Variants in USP32 observed in about 807,000 individuals in gnomAD.
USP32 encodes ubiquitin specific peptidase 32.
In USP32, 59 loss-of-function variants were observed where a neutral mutation model predicts 204.8. The observed-to-expected ratio is 0.29, with a 90% CI of 0.23 to 0.36. The LOEUF (loss-of-function observed/expected upper bound fraction) is 0.36. Ranked by LOEUF, USP32 falls within the 10% of genes least tolerant of loss-of-function variation. USP32 has a pLI of 1.00. For synonymous variants in USP32, 517 were observed against 678.4 expected (o/e 0.76, Z 3.70); for missense variants, 1,160 against 1,946.4 (o/e 0.60, Z 7.60).
At chr17:60,366,418 A>G (rs1229185832) in intron 1 of USP32, among the ~76,000 whole-genome samples, 2 of 151,986 alleles carry the variant, frequency 1.3e-5, no homozygotes. Flanking sequence ...CGGCCTCCCA[A>G]AGTGCTGGGA....
chr17:60,296,726 T>A (rs1293702592), intron 3 of USP32, among the ~76,000 whole-genome samples: 2 of 152,206 alleles, frequency 1.3e-5, no homozygotes, highest in Non-Finnish European at 2.9e-5. Context: ...TACCTCAGTA[T>A]CTGTAGGGGA....
At chr17:60,347,880 T>C (rs1462571086) in intron 1 of USP32, among the ~76,000 whole-genome samples, 1 of 151,604 alleles carries the variant, frequency 6.6e-6, no homozygotes, top group Non-Finnish European at 1.5e-5. Flanking sequence ...CCCAGCACTT[T>C]GGGAGGCTGA....
At chr17:60,338,622 T>G (rs2088581566) in intron 2 of USP32, among the ~76,000 whole-genome samples, 1 of 152,012 alleles carries the variant, frequency 6.6e-6, no homozygotes, top group Non-Finnish European at 1.5e-5. Flanking sequence ...CCCAGCTACT[T>G]GAGAGGCTGA....
chr17:60,243,134 T>C (rs2085923360), intron 11 of USP32, among the ~76,000 whole-genome samples: 1 of 152,210 alleles, frequency 6.6e-6, no homozygotes, highest in Non-Finnish European at 1.5e-5. Flanking sequence ...GGAATTGTTG[T>C]CTTCTTTTTA....
chr17:60,344,838 AT>A (rs1020819058), intron 2 of USP32, among the ~76,000 whole-genome samples: 1 of 151,934 alleles, frequency 6.6e-6, no homozygotes. Context: ...CTTTTATTTT[AT>A]TTTTTTTAGA....
intron 1 of USP32, among the ~76,000 whole-genome samples, chr17:60,408,249 G>T (rs1476885667): frequency 2.6e-5 from 4 of 152,080 alleles, no homozygotes; most frequent in African/African-American, 9.7e-5. Flanking sequence ...TAAGAATGAT[G>T]AAACAGCTAT....
intron 1 of USP32, among the ~76,000 whole-genome samples, chr17:60,347,335 C>T (rs562993570): frequency 2.0e-5 from 3 of 149,540 alleles, no homozygotes; most frequent in Non-Finnish European, 4.4e-5. Flanking sequence ...CAGGTGCGCA[C>T]CACCACACCT....
At position 60,382,218 on chromosome 17, in the gene USP32, T is replaced by A. The variant is rs187039810; in HGVS notation, c.58+9664A>T. Among the ~76,000 whole-genome samples the A allele has an allele frequency of 4.5e-3, 685 of 152,342 alleles. 1 individual carries two copies. The highest frequency in any genetic ancestry group is 0.014 in the Middle Eastern group (4 of 294). ...AACTAAGCCCAGATGTCAAGTTCTC[T>A]CAGAGGCCTCCGCCAGCCAGCACAG... On this transcript the variant is annotated intron_variant, in intron 1 of 33. Coordinates refer to ENST00000300896, the MANE Select transcript of USP32 (RefSeq NM_032582.4).
At chr17:60,257,455 G>A (rs1292654586) in intron 9 of USP32, among the ~76,000 whole-genome samples, 1 of 152,136 alleles carries the variant, frequency 6.6e-6, no homozygotes, top group Non-Finnish European at 1.5e-5. Flanking sequence ...ACAGTGGAGA[G>A]AGGGTTAGCA....
intron 12 of USP32, among the ~76,000 whole-genome samples, chr17:60,229,360 A>C (rs1025444906): frequency 6.6e-6 from 1 of 152,160 alleles, no homozygotes; most frequent in Non-Finnish European, 1.5e-5. Flanking sequence ...TCATTTTTAA[A>C]GTTCTCTATG....
At chr17:60,410,331 C>T (rs957311080) in intron 1 of USP32, among the ~76,000 whole-genome samples, 1 of 152,078 alleles carries the variant, frequency 6.6e-6, no homozygotes, top group African/African-American at 2.4e-5. Flanking sequence ...AACCAATCAG[C>T]ATACCCCATT....
At chr17:60,370,790 A>G (rs1004420661) in intron 1 of USP32, among the ~76,000 whole-genome samples, 1 of 151,440 alleles carries the variant, frequency 6.6e-6, no homozygotes, top group Non-Finnish European at 1.5e-5. Context: ...AAAAGAAGAA[A>G]AGAGAAAAAA....
intron 3 of USP32, among the ~76,000 whole-genome samples, chr17:60,295,961 A>C (rs2087417872): frequency 6.6e-6 from 1 of 152,154 alleles, no homozygotes; most frequent in Admixed American, 6.5e-5. Flanking sequence ...AAACCTGCAA[A>C]GTAGTTGACA....
intron 1 of USP32, among the ~76,000 whole-genome samples, chr17:60,381,595 A>G (rs1194277869): frequency 6.6e-6 from 1 of 152,084 alleles, no homozygotes; most frequent in Non-Finnish European, 1.5e-5. Context: ...CGTATGCCCT[A>G]TGGTTTGAAG....
intron 3 of USP32, among the ~76,000 whole-genome samples, chr17:60,298,128 T>G (rs1034746996): frequency 2.0e-5 from 3 of 148,662 alleles, no homozygotes; most frequent in Non-Finnish European, 4.4e-5. Flanking sequence ...TGTAATGCAT[T>G]TAAATATTAA....
At chr17:60,242,740 A>T (rs2085912517) in intron 11 of USP32, among the ~76,000 whole-genome samples, 1 of 152,158 alleles carries the variant, frequency 6.6e-6, no homozygotes, top group East Asian at 1.9e-4. Flanking sequence ...ATTCCATTTT[A>T]CTGATCTCTA....
intron 27 of USP32, 66 bp downstream of exon 27, chr17:60,198,194 G>T (rs2145438620): frequency 1.3e-6 from 2 of 1,569,044 alleles, no homozygotes; most frequent in East Asian, 4.5e-5. Flanking sequence ...CAGTCATGTA[G>T]AATTCATATA....
At chr17:60,406,910 G>A (rs950556381) in intron 1 of USP32, among the ~76,000 whole-genome samples, 7 of 152,170 alleles carry the variant, frequency 4.6e-5, no homozygotes, top group South Asian at 2.1e-4. Flanking sequence ...GTGAAACAGA[G>A]GACTTTTGTT....
intron 9 of USP32, among the ~76,000 whole-genome samples, chr17:60,263,645 A>C (rs914052489): frequency 1.3e-5 from 2 of 152,226 alleles, no homozygotes; most frequent in Non-Finnish European, 2.9e-5. Context: ...AAAGGTGTTC[A>C]AAATTTTATC....
Sources: allele counts gnomAD v4.1 joint callset (sites outside exome capture counted in the v4.1 genomes callset), GRCh38; gene constraint gnomAD v4.1.1; transcripts MANE v1.5; gene names NCBI Gene and HGNC (gene_info 2026-07-23, HGNC 2026-07-21).